Variants in BPNT2 observed in about 807,000 individuals in gnomAD.
BPNT2 encodes Golgi-resident adenosine 3',5'-bisphosphate 3'-phosphatase.
BPNT2 carries 11 observed loss-of-function variants against 29.3 expected under a neutral mutation model. That is an observed-to-expected ratio of 0.38 (90% CI 0.24 to 0.62). The LOEUF (loss-of-function observed/expected upper bound fraction) is 0.62. Ranked by LOEUF, BPNT2 falls within the 20% of genes least tolerant of loss-of-function variation. BPNT2 has a pLI of 0.62. For missense variants in BPNT2, 459 were observed against 473.4 expected (o/e 0.97, Z 0.28); for synonymous variants, 195 against 187.7 (o/e 1.04, Z -0.32).
At chr8:56,967,044 AG>A in intron 3 of BPNT2, 1 of 413,428 alleles carries the variant, frequency 2.4e-6, no homozygotes, top group South Asian at 1.7e-5. Context: ...AGATGGCTTC[AG>A]ATGATTTTCC....
intron 1 of BPNT2, among the ~76,000 whole-genome samples, chr8:56,990,110 T>G (rs866658628): frequency 1.6e-4 from 24 of 152,182 alleles, no homozygotes; most frequent in African/African-American, 5.6e-4. Context: ...GGGACATACT[T>G]CTGTTGAAAG....
At chr8:56,988,675 C>T (rs779000209) in intron 1 of BPNT2, among the ~76,000 whole-genome samples, 2 of 152,164 alleles carry the variant, frequency 1.3e-5, no homozygotes, top group Non-Finnish European at 2.9e-5. Context: ...ACCGATGACT[C>T]GCAGATTTGT....
intron 4 of BPNT2, among the ~76,000 whole-genome samples, chr8:56,965,737 G>C (rs979834717): frequency 6.6e-6 from 1 of 152,122 alleles, no homozygotes; most frequent in African/African-American, 2.4e-5. Flanking sequence ...GCTCATCCCA[G>C]GTATGCAGGT....
At chr8:56,979,943 T>C in intron 2 of BPNT2, 92 bp downstream of exon 2, 1 of 1,175,892 alleles carries the variant, frequency 8.5e-7, no homozygotes, top group East Asian at 2.4e-5. Flanking sequence ...GAACAATCAG[T>C]GAGCCACTAT....
intron 3 of BPNT2, among the ~76,000 whole-genome samples, chr8:56,974,723 G>A (rs1806103611): frequency 6.6e-6 from 1 of 152,136 alleles, no homozygotes; most frequent in South Asian, 2.1e-4. Flanking sequence ...GAAGAATGGG[G>A]TATTATATTA....
In BPNT2 at chr8:56,961,508, A is replaced by G; in HGVS notation, c.*2285T>C. The G allele has an allele frequency of 6.6e-6, 1 of 152,212 alleles. No homozygotes were observed. 9.4% of individuals were successfully genotyped at this position (152,212 alleles called of 1,614,324 possible). On this transcript the variant is annotated 3_prime_UTR_variant, in exon 5 of 5. Coordinates refer to ENST00000262644, the MANE Select transcript of BPNT2 (RefSeq NM_017813.5). Reference sequence around the variant, plus strand: ...GTATTTAACTCTCAACCAATACCTTAAGTTTTGCACACAACACACACCCTT... The same window carrying G: ...GTATTTAACTCTCAACCAATACCTTGAGTTTTGCACACAACACACACCCTT...
chr8:56,966,422 C>G (rs1452178420), intron 3 of BPNT2, 70 bp from the exon 4 acceptor site: 1 of 1,341,824 alleles, frequency 7.5e-7, no homozygotes, highest in African/African-American at 1.4e-5. Flanking sequence ...TCTTCAGAAC[C>G]CAAAGTGCTA....
chr8:56,991,272 G>A (rs765462493), intron 1 of BPNT2, among the ~76,000 whole-genome samples: 10 of 152,152 alleles, frequency 6.6e-5, no homozygotes, highest in Non-Finnish European at 1.5e-4. Flanking sequence ...AGAAGCACAT[G>A]CAAACATTCA....
At chr8:56,982,141 T>C (rs79528249) in intron 1 of BPNT2, among the ~76,000 whole-genome samples, 1 of 151,934 alleles carries the variant, frequency 6.6e-6, no homozygotes. Context: ...TTTTTTTTTT[T>C]TGAGACGGAG....
In BPNT2 at chr8:56,959,092, C is replaced by G. The variant is rs1217562044; in HGVS notation, c.*4701G>C. 1 of 152,128 alleles carries G rather than the reference C, an allele frequency of 6.6e-6. No homozygotes were observed. Among genetic ancestry groups the G allele is most frequent in the East Asian group, 1.9e-4 (1 of 5,190 alleles). The allele number at this position is 152,128 out of a possible 1,614,324, so 9.4% of individuals were successfully genotyped here. A position where few individuals can be genotyped will look rare whatever the true frequency, so the allele number is the denominator to read the frequency against. On this transcript the variant is annotated 3_prime_UTR_variant, in exon 5 of 5. Transcript: ENST00000262644. ...GGAACATATTACTAATCAAATAACACAGTTTATGCTTTTTCAATTTCCACA... is the reference window on the plus strand; with the variant it reads ...GGAACATATTACTAATCAAATAACAGAGTTTATGCTTTTTCAATTTCCACA...
chr8:56,976,637 T>C (rs2129204935), intron 3 of BPNT2, among the ~76,000 whole-genome samples: 1 of 152,280 alleles, frequency 6.6e-6, no homozygotes, highest in East Asian at 1.9e-4. Flanking sequence ...AATAGATGTT[T>C]AGCCAATCTC....
chr8:56,971,955 C>A (rs1265841388), intron 3 of BPNT2, among the ~76,000 whole-genome samples: 1 of 151,688 alleles, frequency 6.6e-6, no homozygotes, highest in African/African-American at 2.4e-5. Context: ...ATTAGCCGGG[C>A]GTGGTGTCAG....
At chr8:56,984,448 G>A (rs924483187) in intron 1 of BPNT2, among the ~76,000 whole-genome samples, 14 of 152,084 alleles carry the variant, frequency 9.2e-5, no homozygotes, top group Non-Finnish European at 1.8e-4. Context: ...GTGCCACATC[G>A]AATCAGTCAG....
rs1441556792 is a variant in BPNT2, at chr8:56,958,475, T to C, written c.*5318A>G. On this transcript the variant is annotated 3_prime_UTR_variant, in exon 5 of 5. Coordinates refer to ENST00000262644, the MANE Select transcript of BPNT2 (RefSeq NM_017813.5). ...GGTCATAACACGCTAAGTAAACTGG[T>C]GTCTAAGCATGTGACGGCAACAGCT... 1 of 152,172 alleles carries C rather than the reference T, an allele frequency of 6.6e-6. No individual in the cohort carries two copies. Among genetic ancestry groups the C allele is most frequent in the East Asian group, 1.9e-4 (1 of 5,202 alleles). 9.4% of individuals were successfully genotyped at this position (152,172 alleles called of 1,614,324 possible).
chr8:56,984,767 A>G (rs771350456), intron 1 of BPNT2, among the ~76,000 whole-genome samples: 9 of 152,038 alleles, frequency 5.9e-5, no homozygotes, highest in Non-Finnish European at 1.2e-4. Flanking sequence ...AAACCTTCCA[A>G]TGGTTTCTCA....
At chr8:56,968,307 A>C (rs570959527) in intron 3 of BPNT2, among the ~76,000 whole-genome samples, 1 of 152,136 alleles carries the variant, frequency 6.6e-6, no homozygotes, top group South Asian at 2.1e-4. Context: ...ACTTCTCCAA[A>C]AGTATAGCAA....
chr8:56,992,073 A>G (rs1426484753), intron 1 of BPNT2, among the ~76,000 whole-genome samples: 2 of 152,214 alleles, frequency 1.3e-5, no homozygotes, highest in African/African-American at 4.8e-5. Context: ...AAAGGGAGGA[A>G]GAGAGGAGAA....
At position 56,974,169 on chromosome 8, in the gene BPNT2, AAT is replaced by A. The variant is rs561986476; in HGVS notation, c.646+3879_646+3880del. Reference sequence around the variant, plus strand: ...GAAACAGTACATCATAAATATGCAAAATATGTGTTAATCAGCTATTTATGTTG... The same window carrying A: ...GAAACAGTACATCATAAATATGCAAAATGTGTTAATCAGCTATTTATGTTG... On this transcript the variant is annotated intron_variant, in intron 3 of 4. Transcript: ENST00000262644. Among the ~76,000 whole-genome samples the A allele has an allele frequency of 1.6e-3, 243 of 152,282 alleles. 2 individuals are homozygous for A. The highest frequency in any genetic ancestry group is 8.4e-4 in the Non-Finnish European group (57 of 68,018).
At chr8:56,966,423 CA>C in intron 3 of BPNT2, 71 bp from the exon 4 acceptor site, 1 of 1,332,396 alleles carries the variant, frequency 7.5e-7, no homozygotes, top group Non-Finnish European at 1.1e-6. Flanking sequence ...CTTCAGAACC[CA>C]AAGTGCTATG....
Sources: gnomAD v4.1 joint callset for allele counts (sites outside exome capture counted in the v4.1 genomes callset) on GRCh38, gnomAD v4.1.1 for gene constraint, MANE v1.5 for transcripts, NCBI Gene and HGNC (gene_info 2026-07-23, HGNC 2026-07-21) for gene names.